DNMT3B: variants seen among roughly 807,000 people sequenced by gnomAD.
DNMT3B encodes DNA methyltransferase 3 beta.
A neutral mutation model predicts 120.2 loss-of-function variants in DNMT3B; 37 were observed. The ratio of observed to expected loss-of-function variants is 0.31; its 90% CI spans 0.24 to 0.40. The LOEUF is 0.40. Ranked by LOEUF, DNMT3B falls within the 10% of genes least tolerant of loss-of-function variation. The pLI, the probability that DNMT3B is intolerant of heterozygous loss-of-function variation, is 1.00. For synonymous variants in DNMT3B, 412 were observed against 442.8 expected (o/e 0.93, Z 0.87); for missense variants, 878 against 1,137.3 (o/e 0.77, Z 3.28).
At chr20:32,785,882 CT>C (rs139466345) in intron 4 of DNMT3B, among the ~76,000 whole-genome samples, 2 of 134,516 alleles carry the variant, frequency 1.5e-5, no homozygotes, top group Non-Finnish European at 3.0e-5. Flanking sequence ...TTCTTTCTTT[CT>C]TTTTTTTTCT....
At chr20:32,764,461 T>C (rs1474659894) in intron 1 of DNMT3B, among the ~76,000 whole-genome samples, 1 of 152,092 alleles carries the variant, frequency 6.6e-6, no homozygotes, top group Non-Finnish European at 1.5e-5. Flanking sequence ...TCCTGAGATT[T>C]GGGGATGGAG....
At chr20:32,779,545 C>T (rs1601071317) in intron 1 of DNMT3B, among the ~76,000 whole-genome samples, 1 of 152,234 alleles carries the variant, frequency 6.6e-6, no homozygotes, top group Non-Finnish European at 1.5e-5. Flanking sequence ...GCTGATTTAC[C>T]TGACCAGGAG....
rs1396026952 is a variant in DNMT3B at position 32,796,668 on chromosome 20, G to T, written c.1298-122G>T. 1.7e-5 allele frequency: 18 copies of T among 1,047,252 alleles called. 1 individual carries two copies. In the East Asian group the frequency reaches 4.3e-4, roughly 25 times the overall value. The allele number at this position is 1,047,252 out of a possible 1,614,324, so 64.9% of individuals were successfully genotyped here. On this transcript the variant is annotated intron_variant, in intron 12 of 22. Coordinates refer to ENST00000328111, the MANE Select transcript of DNMT3B (RefSeq NM_006892.4). ...GAAGCTGTGAGGCATGGCCTGAGGT[G>T]CAAAGAGTCCTTGGCAAGCTGCTGG...
intron 16 of DNMT3B, 77 bp from the exon 17 acceptor site, chr20:32,800,076 C>T (rs2146042407): frequency 6.3e-7 from 1 of 1,593,436 alleles, no homozygotes; most frequent in Non-Finnish European, 8.6e-7. Flanking sequence ...TTCATTTTAC[C>T]ATAGCAGGGA....
Position 32,793,594 on chromosome 20 carries a change from C to T in DNMT3B, c.1125C>T (p.Tyr375=), listed in dbSNP as rs201278419. ...GTAGGAAATTAGAATCAAGGAAATA[C>T]GGTATTTCCTTCCTGTCTTTTGACT... The part of the protein sequence containing the change: ...AGSRKLESRK[Y]ENKTRRRTAD... The change falls in exon 10 of 23, where the codon TAC becomes TAT. Residue 375 remains tyrosine (Y), a splice_region_variant and synonymous_variant. Transcript: ENST00000328111. The T allele has an allele frequency of 2.3e-5, 37 of 1,613,842 alleles. No homozygotes were observed. The highest frequency in any genetic ancestry group is 5.5e-5 in the South Asian group (5 of 91,066).
chr20:32,768,264 C>T (rs113401445), intron 1 of DNMT3B, among the ~76,000 whole-genome samples: 1 of 140,610 alleles, frequency 7.1e-6, no homozygotes, highest in Non-Finnish European at 1.5e-5. Context: ...GGCGGGATCT[C>T]GGCTCACCAC....
At chr20:32,767,169 T>A (rs570071586) in intron 1 of DNMT3B, among the ~76,000 whole-genome samples, 61 of 152,320 alleles carry the variant, frequency 4.0e-4, no homozygotes, top group African/African-American at 1.3e-3. Flanking sequence ...GTGCTGGGAT[T>A]ATAGGCGTGA....
At chr20:32,805,275 C>A (rs1402616533) in intron 20 of DNMT3B, 63 bp from the exon 21 acceptor site, 2 of 1,601,516 alleles carry the variant, frequency 1.2e-6, no homozygotes, top group African/African-American at 2.7e-5. Flanking sequence ...CTCACTCCCA[C>A]CTTGTGCCTA....
chr20:32,799,138 A>AG, intron 15 of DNMT3B, 106 bp from the exon 16 acceptor site: 6 of 1,268,792 alleles, frequency 4.7e-6, no homozygotes, highest in Non-Finnish European at 6.7e-6. Flanking sequence ...TGCAGTGGCT[A>AG]CGGCAAGGTT....
At chr20:32,791,937 A>G (rs1217663039) in intron 8 of DNMT3B, among the ~76,000 whole-genome samples, 1 of 152,238 alleles carries the variant, frequency 6.6e-6, no homozygotes, top group East Asian at 1.9e-4. Flanking sequence ...TCAGAAGGAA[A>G]GAGCACGGGC....
rs1980505396 is a variant in DNMT3B, at chr20:32,795,510, C to T, written c.1228C>T (p.Arg410Ter). The T allele has an allele frequency of 2.5e-6, 4 of 1,614,126 alleles. No homozygotes were observed. The highest frequency in any genetic ancestry group is 2.5e-6 in the Non-Finnish European group (3 of 1,180,032). ...AAATTGCTATAACAACGGCAAAGAC[C>T]GAGGGGATGAAGATCAGAGCCGAGG... is the stretch of plus-strand genomic sequence containing the variant. ...KTNCYNNGKDRGDEDQSREQM... is the reference protein window; with the variant it reads ...KTNCYNNGKD Residue 410 changes from arginine (R) to a stop codon, truncating the protein, a stop_gained, in exon 11 of 23, where the codon CGA becomes TGA. Coordinates refer to ENST00000328111, the MANE Select transcript of DNMT3B (RefSeq NM_006892.4). LOFTEE classifies it high-confidence loss of function.
chr20:32,781,881 G>T (rs1295461022), intron 3 of DNMT3B, among the ~76,000 whole-genome samples: 1 of 152,184 alleles, frequency 6.6e-6, no homozygotes, highest in East Asian at 1.9e-4. Flanking sequence ...GATCAGATCA[G>T]TTGCAGTATC....
intron 1 of DNMT3B, among the ~76,000 whole-genome samples, chr20:32,764,979 G>T (rs1342415389): frequency 1.3e-5 from 2 of 152,208 alleles, no homozygotes; most frequent in South Asian, 2.1e-4. Flanking sequence ...GCCAGTGGGG[G>T]CTTGGGCAAG....
rs758603280 is a variant in DNMT3B, at chr20:32,780,445, T to A, written c.122T>A (p.Ile41Asn). 7 of 1,613,286 alleles carry A rather than the reference T, an allele frequency of 4.3e-6. No homozygotes were observed. The highest frequency in any genetic ancestry group is 5.9e-6 in the Non-Finnish European group (7 of 1,179,992). The change falls in exon 2 of 23, where the codon ATC becomes AAC. Residue 41 changes from isoleucine to asparagine, a missense_variant. By Grantham distance (149) the Ile-to-Asn change is moderately radical. Around this residue, in one of 4 missense-constraint regions of DNMT3B, gnomAD observed 287 missense variants for 306.2 expected, o/e 0.94. Coordinates refer to ENST00000328111, the MANE Select transcript of DNMT3B (RefSeq NM_006892.4). Reference sequence around the variant, plus strand: ...GACTCGCCCCCAATCCTGGAGGCTATCCGCACCCCGGAGATCAGAGGTGGC... The same window carrying A: ...GACTCGCCCCCAATCCTGGAGGCTAACCGCACCCCGGAGATCAGAGGTGGC... The part of the protein sequence containing the change: ...SSDSPPILEA[I>N]RTPEIRGRRS...
chr20:32,806,685 T>C (rs1335560981), intron 22 of DNMT3B, among the ~76,000 whole-genome samples: 1 of 152,242 alleles, frequency 6.6e-6, no homozygotes, highest in Non-Finnish European at 1.5e-5. Context: ...GCTCATTCTA[T>C]AAATGATTCC....
intron 6 of DNMT3B, 119 bp from the exon 7 acceptor site, chr20:32,788,734 TG>T: frequency 7.7e-7 from 1 of 1,294,052 alleles, no homozygotes; most frequent in Non-Finnish European, 1.1e-6. Flanking sequence ...CCACGGTGTC[TG>T]GCTACATCTT....
At chr20:32,807,723 C>T in intron 22 of DNMT3B, 39 bp from the exon 23 acceptor site, 7 of 1,612,730 alleles carry the variant, frequency 4.3e-6, no homozygotes, top group Non-Finnish European at 5.9e-6. Context: ...ATCCTGGAGG[C>T]ACTTCTGACT....
intron 10 of DNMT3B, among the ~76,000 whole-genome samples, chr20:32,794,414 G>A (rs895539805): frequency 6.6e-6 from 1 of 151,670 alleles, no homozygotes; most frequent in South Asian, 2.1e-4. Context: ...AGGTGCAGTG[G>A]CTCATGCCTG....
intron 12 of DNMT3B, among the ~76,000 whole-genome samples, chr20:32,795,991 AAAG>A (rs1980577804): frequency 6.6e-6 from 1 of 152,230 alleles, no homozygotes; most frequent in Non-Finnish European, 1.5e-5. Flanking sequence ...GAACCTTCCC[AAAG>A]AAGAACTGCA....
Sources: allele counts gnomAD v4.1 joint callset (sites outside exome capture counted in the v4.1 genomes callset), GRCh38; gene constraint gnomAD v4.1.1; regional missense constraint gnomAD v4.1.1; transcripts MANE v1.5; gene names NCBI Gene and HGNC (gene_info 2026-07-23, HGNC 2026-07-21).